VDR: variants seen among roughly 807,000 people sequenced by gnomAD.
The protein encoded by VDR is vitamin D3 receptor.
VDR carries 19 observed loss-of-function variants against 39.7 expected under a neutral mutation model. The observed-to-expected ratio is 0.48, with a 90% CI of 0.33 to 0.70. The LOEUF is 0.70. Among genes scored for constraint, VDR ranks in the 30% least tolerant of loss-of-function variants. The pLI is 0.02. For missense variants in VDR, 442 were observed against 570.5 expected, an observed-to-expected ratio of 0.77 and a Z score of 2.29; for synonymous variants, 242 against 215.8, an observed-to-expected ratio of 1.12 and a Z score of -1.07.
At chr12:47,897,091 T>G (rs1208839129) in intron 1 of VDR, 1 of 152,262 alleles carries the variant, frequency 6.6e-6, no homozygotes, top group Non-Finnish European at 1.5e-5. Context: ...ATTTAAATTC[T>G]GGTTCTGATT....
chr12:47,892,072 C>T (rs1946381341), intron 1 of VDR, among the ~76,000 whole-genome samples: 1 of 152,330 alleles, frequency 6.6e-6, no homozygotes, highest in African/African-American at 2.4e-5. Flanking sequence ...GCTCAGTGGG[C>T]CTGGACTTCT....
intron 3 of VDR, among the ~76,000 whole-genome samples, chr12:47,876,252 T>C (rs901053711): frequency 6.6e-6 from 1 of 152,034 alleles, no homozygotes; most frequent in African/African-American, 2.4e-5. Context: ...TGTGTGTGTT[T>C]GTTTATGTAC....
In VDR at chr12:47,843,726, GC is replaced by G. The variant is rs1417258133; in HGVS notation, c.*1019del. On this transcript the variant is annotated 3_prime_UTR_variant, in exon 10 of 10. Coordinates refer to ENST00000549336, the MANE Select transcript of VDR (RefSeq NM_000376.3). Reference sequence around the variant, plus strand: ...TAGCTCTTAGCCCTGTGGGTGAACAGCGGCCTTGCAACCACATTGAGGCGGC... The same window carrying G: ...TAGCTCTTAGCCCTGTGGGTGAACAGGGCCTTGCAACCACATTGAGGCGGC... 4 of 152,324 alleles carry G rather than the reference GC, an allele frequency of 2.6e-5. No homozygotes were observed. Among genetic ancestry groups the G allele is most frequent in the East Asian group, 1.9e-4 (1 of 5,332 alleles). The allele number at this position is 152,324 out of a possible 1,614,324, so 9.4% of individuals were successfully genotyped here.
chr12:47,903,066 A>G, intron 1 of VDR, among the ~76,000 whole-genome samples: 1 of 152,240 alleles, frequency 6.6e-6, no homozygotes, highest in East Asian at 1.9e-4. Flanking sequence ...ACCTTCCATA[A>G]TGTTTATACA....
In VDR at chr12:47,844,736, G is replaced by T. The variant is rs1449488898; in HGVS notation, c.*10C>A. The stretch of plus-strand genomic sequence containing the variant: ...CAGCCCCACCCAGGCACCGCCACAG[G>T]CTGTCCTAGTCAGGAGATCTCATTG... On this transcript the variant is annotated 3_prime_UTR_variant, in exon 10 of 10. Coordinates refer to ENST00000549336, the MANE Select transcript of VDR (RefSeq NM_000376.3). 7 of 1,613,916 alleles carry T rather than the reference G, an allele frequency of 4.3e-6. No homozygotes were observed. Among genetic ancestry groups the T allele is most frequent in the South Asian group, 1.1e-5 (1 of 91,084 alleles).
At chr12:47,866,402 C>T (rs1045442965) in intron 3 of VDR, among the ~76,000 whole-genome samples, 1 of 152,178 alleles carries the variant, frequency 6.6e-6, no homozygotes, top group African/African-American at 2.4e-5. Flanking sequence ...GCCGAAGAAA[C>T]CTTTTTAAAT....
intron 2 of VDR, among the ~76,000 whole-genome samples, chr12:47,882,121 G>A (rs577165500): frequency 3.9e-5 from 6 of 152,292 alleles, no homozygotes; most frequent in Admixed American, 6.5e-5. Context: ...GCACAGCAAC[G>A]GGGCAGTCCT....
In VDR at chr12:47,846,672, T is replaced by A. The variant is rs775600453; in HGVS notation, c.892A>T (p.Ser298Cys). ...CGNQDYKYRVSDVTKAGHSLE... is the reference protein window; with the variant it reads ...CGNQDYKYRVCDVTKAGHSLE... Reference sequence around the variant, plus strand: ...CTAGGCATACCTTTGGTCACGTCACTGACGCGGTACTTGTAGTCTTGGTTG... The same window carrying A: ...CTAGGCATACCTTTGGTCACGTCACAGACGCGGTACTTGTAGTCTTGGTTG... Residue 298 changes from serine to cysteine, a missense_variant, in exon 8 of 10, where the codon AGT becomes TGT. Physicochemically the swap from Ser to Cys is moderately radical, Grantham distance 112 (BLOSUM62 -1). Around this residue, in one of 5 missense-constraint regions of VDR, gnomAD observed 173 missense variants for 252.0 expected, o/e 0.69. Transcript: ENST00000549336. 1 of 1,613,772 alleles carries A rather than the reference T, an allele frequency of 6.2e-7. No homozygotes were observed. The highest frequency in any genetic ancestry group is 1.1e-5 in the South Asian group (1 of 91,066).
At chr12:47,880,292 T>A (rs1320372764) in intron 2 of VDR, among the ~76,000 whole-genome samples, 1 of 152,044 alleles carries the variant, frequency 6.6e-6, no homozygotes, top group African/African-American at 2.4e-5. Context: ...AGAGGCAGAT[T>A]CTGGGGGCCC....
At chr12:47,882,795 C>A in intron 1 of VDR, 21 bp from the exon 2 acceptor site, 3 of 1,531,826 alleles carry the variant, frequency 2.0e-6, no homozygotes, top group African/African-American at 1.4e-5. Context: ...GAAGGGGAAA[C>A]CTTTTATCTA....
intron 1 of VDR, among the ~76,000 whole-genome samples, chr12:47,884,571 G>C (rs1946219603): frequency 6.6e-6 from 1 of 152,158 alleles, no homozygotes; most frequent in Admixed American, 6.5e-5. Flanking sequence ...ACTCTCATAA[G>C]AGCCTCCTCC....
At chr12:47,868,907 C>T (rs1201460792) in intron 3 of VDR, among the ~76,000 whole-genome samples, 1 of 152,186 alleles carries the variant, frequency 6.6e-6, no homozygotes, top group African/African-American at 2.4e-5. Context: ...GAAGACAGCA[C>T]ATCGTCAGCC....
At chr12:47,889,244 CT>C (rs1430474684) in intron 1 of VDR, among the ~76,000 whole-genome samples, 1 of 152,064 alleles carries the variant, frequency 6.6e-6, no homozygotes, top group Non-Finnish European at 1.5e-5. Flanking sequence ...CACCTCCAGC[CT>C]GGCCGAGTCC....
chr12:47,904,669 T>C, intron 1 of VDR: 2 of 1,530,582 alleles, frequency 1.3e-6, no homozygotes, highest in East Asian at 4.9e-5. Flanking sequence ...CAAATACTTC[T>C]TGTTGCCCAA....
At chr12:47,876,221 G>C (rs1006361786) in intron 3 of VDR, among the ~76,000 whole-genome samples, 9 of 150,088 alleles carry the variant, frequency 6.0e-5, no homozygotes, top group Non-Finnish European at 1.2e-4. Flanking sequence ...AAGGTTGACT[G>C]TGTGTGTGTG....
Position 47,904,462 on chromosome 12 carries a change from T to TAAAAAA in VDR, c.-84+487_-84+492dup, listed in dbSNP as rs17886628. 304 of 360,256 alleles carry TAAAAAA rather than the reference T, an allele frequency of 8.4e-4. 6 individuals are homozygous for TAAAAAA. The highest frequency in any genetic ancestry group is 6.0e-3 in the African/African-American group (143 of 23,960). The allele number at this position is 360,256 out of a possible 1,614,324, so 22.3% of individuals were successfully genotyped here. ...AACTCATTGGTAGTTCAAAGAAAAG[T>TAAAAAA]AAAAAAAAAAAAAAAAAAAAAAAAA... On this transcript the variant is annotated intron_variant, in intron 1 of 9. Transcript: ENST00000549336.
intron 2 of VDR, among the ~76,000 whole-genome samples, chr12:47,880,062 G>A (rs1209590630): frequency 6.6e-6 from 1 of 151,934 alleles, no homozygotes; most frequent in Non-Finnish European, 1.5e-5. Context: ...ATGATTCTGG[G>A]ATACCTCAGA....
chr12:47,857,045 C>T, intron 6 of VDR, 84 bp downstream of exon 6: 1 of 1,599,674 alleles, frequency 6.3e-7, no homozygotes, highest in Non-Finnish European at 8.5e-7. Context: ...CTTCCACCTC[C>T]TTCCATCCAG....
chr12:47,848,167 G>C (rs1945315680), intron 7 of VDR, among the ~76,000 whole-genome samples: 1 of 152,100 alleles, frequency 6.6e-6, no homozygotes. Context: ...TTCCCAAAGT[G>C]CTGGGATTAC....
Sources: gnomAD v4.1 joint callset for allele counts (sites outside exome capture counted in the v4.1 genomes callset) on GRCh38, gnomAD v4.1.1 for gene constraint, gnomAD v4.1.1 regional missense constraint, MANE v1.5 for transcripts, NCBI Gene and HGNC (gene_info 2026-07-23, HGNC 2026-07-21) for gene names.